The following BTBD8 variants were observed in gnomAD, a reference collection of about 807,000 sequenced individuals.
BTBD8 encodes BTB/POZ domain-containing protein 8.
Under a neutral mutation model 162.9 loss-of-function variants are expected in BTBD8, and 110 were observed. The ratio of observed to expected loss-of-function variants is 0.68; its 90% CI spans 0.58 to 0.79. The LOEUF is 0.79. BTBD8 is among the 30% of genes least tolerant of loss of function. The pLI is 0.00. For synonymous variants in BTBD8, 667 were observed against 716.1 expected (o/e 0.93, Z 1.10); for missense variants, 1,905 against 2,085.4 (o/e 0.91, Z 1.68).
intron 4 of BTBD8, chr1:92,115,493 G>A (rs1649014850): frequency 6.9e-6 from 3 of 432,474 alleles, no homozygotes; most frequent in South Asian, 3.7e-5. Flanking sequence ...CCTTCTCCAC[G>A]GTAGTGAAGA....
At chr1:92,145,369 A>G (rs1649886853) in intron 7 of BTBD8, among the ~76,000 whole-genome samples, 1 of 152,212 alleles carries the variant, frequency 6.6e-6, no homozygotes, top group African/African-American at 2.4e-5. Flanking sequence ...CACTGACCTT[A>G]CCAGAAGGAC....
At chr1:92,126,430 C>T in intron 4 of BTBD8, 1 of 917,874 alleles carries the variant, frequency 1.1e-6, no homozygotes, top group East Asian at 4.0e-5. Flanking sequence ...TCAAACGAAA[C>T]ATCCAGCAGT....
chr1:92,146,996 G>T (rs918423745), intron 7 of BTBD8, among the ~76,000 whole-genome samples, 184 bp from the exon 8 acceptor site: 6 of 152,128 alleles, frequency 3.9e-5, no homozygotes, highest in African/African-American at 1.2e-4. Flanking sequence ...TGTAGCCTCA[G>T]TACCAGCAGA....
intron 1 of BTBD8, among the ~76,000 whole-genome samples, chr1:92,083,932 T>C (rs1384976176): frequency 6.6e-6 from 1 of 152,178 alleles, no homozygotes; most frequent in Non-Finnish European, 1.5e-5. Context: ...TGAACAAGCC[T>C]GATCTTGCCT....
At chr1:92,111,149 G>C (rs1197362528) in intron 4 of BTBD8, among the ~76,000 whole-genome samples, 1 of 151,554 alleles carries the variant, frequency 6.6e-6, no homozygotes, top group Non-Finnish European at 1.5e-5. Flanking sequence ...ACACCACCAC[G>C]CTTGGCTCAT....
intron 5 of BTBD8, among the ~76,000 whole-genome samples, chr1:92,130,603 A>G (rs1467076596): frequency 3.9e-5 from 6 of 152,120 alleles, no homozygotes; most frequent in African/African-American, 9.6e-5. Flanking sequence ...CACACAGTAT[A>G]TATTTTATAT....
chr1:92,183,686 A>G lies in BTBD8; in HGVS notation c.4913-178A>G, dbSNP rs1019659043. On this transcript the variant is annotated intron_variant, in intron 17 of 17. Coordinates refer to ENST00000636805, the MANE Select transcript of BTBD8 (RefSeq NM_001376131.1). ...TTTTGCTTCTAAACATTACCCTTGA[A>G]TTTTAAACACATAAAAATGCCTCAA... Among the ~76,000 whole-genome samples the G allele has an allele frequency of 5.3e-5, 8 of 150,446 alleles. No individual in the cohort carries two copies. In the South Asian group the frequency reaches 1.3e-3, roughly 24 times the overall value.
At chr1:92,163,082 C>T (rs191798232) in intron 9 of BTBD8, among the ~76,000 whole-genome samples, 33 of 152,054 alleles carry the variant, frequency 2.2e-4, no homozygotes, top group Admixed American at 1.6e-3. Flanking sequence ...GGGCCAGGCG[C>T]GGTGGCTCAT....
At chr1:92,081,937 A>G (rs1328827757) in intron 1 of BTBD8, among the ~76,000 whole-genome samples, 1 of 152,228 alleles carries the variant, frequency 6.6e-6, no homozygotes, top group African/African-American at 2.4e-5. Flanking sequence ...TCCGATAGCT[A>G]TAAACAGAAT....
chr1:92,182,584 C>G lies in BTBD8; in HGVS notation c.4901C>G (p.Ala1634Gly). The G allele has an allele frequency of 1.3e-6, 2 of 1,485,212 alleles. No individual in the cohort carries two copies. Among genetic ancestry groups the G allele is most frequent in the Non-Finnish European group, 1.8e-6 (2 of 1,120,854 alleles). 92.0% of individuals were successfully genotyped at this position (1,485,212 alleles called of 1,614,324 possible). A position where few individuals can be genotyped will look rare whatever the true frequency, so the allele number is the denominator to read the frequency against. The change falls in exon 17 of 18, where the codon GCT becomes GGT. Residue 1634 changes from alanine to glycine, a missense_variant. Ala to Gly is a moderately conservative substitution (Grantham distance 60). Coordinates refer to ENST00000636805, the MANE Select transcript of BTBD8 (RefSeq NM_001376131.1). ...ACAACTACTGAAAAAGCTAATATTG[C>G]TTTATCTGCAGGTAATGTACAGAAA... is the stretch of plus-strand genomic sequence containing the variant. Reference protein sequence around the residue: ...HSTTTEKANIALSAGDIDDCD... With the variant: ...HSTTTEKANIGLSAGDIDDCD...
At chr1:92,081,193 A>G (rs758348041) in intron 1 of BTBD8, among the ~76,000 whole-genome samples, 9 of 152,236 alleles carry the variant, frequency 5.9e-5, no homozygotes, top group Non-Finnish European at 1.2e-4. Context: ...ACAATTTACC[A>G]GAAATGCTTC....
At chr1:92,155,693 T>C (rs1466090043) in intron 9 of BTBD8, among the ~76,000 whole-genome samples, 1 of 152,236 alleles carries the variant, frequency 6.6e-6, no homozygotes. Flanking sequence ...TATTTTACTC[T>C]TTGGTGCTAT....
Position 92,183,928 on chromosome 1 carries a change from C to G in BTBD8, c.4977C>G (p.Thr1659=). 6.4e-7 allele frequency: 1 copy of G among 1,551,492 alleles called. No individual in the cohort carries two copies. Among genetic ancestry groups the G allele is most frequent in the Non-Finnish European group, 8.7e-7 (1 of 1,146,868 alleles). The change falls in exon 18 of 18, where the codon ACC becomes ACG. Residue 1659 remains threonine (T), a synonymous_variant. Coordinates refer to ENST00000636805, the MANE Select transcript of BTBD8 (RefSeq NM_001376131.1). Reference sequence around the variant, plus strand: ...TGTATGACCATCGGCCTTCAAAAACCCTGTCTCCAATATATGAGATGGATG... The same window carrying G: ...TGTATGACCATCGGCCTTCAAAAACGCTGTCTCCAATATATGAGATGGATG... ...TRMYDHRPSK[T]LSPIYEMDVI...
At chr1:92,170,153 G>C (rs1320603392) in intron 12 of BTBD8, among the ~76,000 whole-genome samples, 1 of 151,994 alleles carries the variant, frequency 6.6e-6, no homozygotes, top group Admixed American at 6.6e-5. Flanking sequence ...ATTCTTCAAA[G>C]TGCTAATTAA....
At chr1:92,125,950 C>G (rs1375661412) in intron 4 of BTBD8, 1 of 450,160 alleles carries the variant, frequency 2.2e-6, no homozygotes, top group Non-Finnish European at 4.5e-6. Flanking sequence ...ATTTATGGAA[C>G]ACCTAGAGTA....
At chr1:92,157,666 T>A (rs1385061887) in intron 9 of BTBD8, among the ~76,000 whole-genome samples, 1 of 152,066 alleles carries the variant, frequency 6.6e-6, no homozygotes, top group Non-Finnish European at 1.5e-5. Context: ...ACTGGCTTTT[T>A]TTTTTTTTCT....
At position 92,080,483 on chromosome 1, in the gene BTBD8, C is replaced by G; in HGVS notation, c.-89C>G. ...GGGGCGGATTTGGGTAGGAGCCGAG[C>G]GTTCGGTCGGAAACGCCCCCTTCTT... On this transcript the variant is annotated 5_prime_UTR_variant, in exon 1 of 18. Transcript: ENST00000636805. 2 of 1,554,508 alleles carry G rather than the reference C, an allele frequency of 1.3e-6. No homozygotes were observed. Among genetic ancestry groups the G allele is most frequent in the Non-Finnish European group, 1.7e-6 (2 of 1,155,284 alleles).
At chr1:92,096,382 TCCCTTTGA>T (rs1420871283) in intron 2 of BTBD8, among the ~76,000 whole-genome samples, 3 of 152,188 alleles carry the variant, frequency 2.0e-5, no homozygotes, top group Non-Finnish European at 1.5e-5. Context: ...ACTCTGTTGT[TCCCTTTGA>T]ATTTGATTTG....
intron 4 of BTBD8, chr1:92,115,269 G>A (rs17131767): frequency 0.021 from 10,087 of 471,030 alleles, 178 homozygotes; most frequent in Non-Finnish European, 0.025. Flanking sequence ...TGGCAGTGAT[G>A]GCATGGACTG....
Sources: gnomAD v4.1 joint callset for allele counts (sites outside exome capture counted in the v4.1 genomes callset) on GRCh38, gnomAD v4.1.1 for gene constraint, MANE v1.5 for transcripts, NCBI Gene and HGNC (gene_info 2026-07-23, HGNC 2026-07-21) for gene names.